PDGFRL: variants seen among roughly 807,000 people sequenced by gnomAD.
PDGFRL encodes the protein platelet derived growth factor receptor like.
Under a neutral mutation model 37.2 loss-of-function variants are expected in PDGFRL, and 46 were observed. The observed-to-expected ratio is 1.24, with a 90% confidence interval of 0.98 to 1.58. PDGFRL has a LOEUF of 1.58. Among genes scored for constraint, PDGFRL ranks in the 40% most tolerant of loss-of-function variants. PDGFRL has a pLI of 0.00. For missense variants in PDGFRL, 692 were observed against 467.6 expected, an observed-to-expected ratio of 1.48 and a Z score of -4.43; for synonymous variants, 251 against 184.3, an observed-to-expected ratio of 1.36 and a Z score of -2.93.
At chr8:17,605,033 C>T (rs2129678761) in intron 2 of PDGFRL, among the ~76,000 whole-genome samples, 1 of 152,218 alleles carries the variant, frequency 6.6e-6, no homozygotes, top group African/African-American at 2.4e-5. Flanking sequence ...GGGAGGATTG[C>T]TTGACTCTGG....
intron 3 of PDGFRL, among the ~76,000 whole-genome samples, chr8:17,624,874 C>G (rs972527383): frequency 8.5e-5 from 13 of 152,206 alleles, no homozygotes; most frequent in African/African-American, 3.1e-4. Flanking sequence ...GAGATGGCAC[C>G]ACTGCATTCC....
chr8:17,606,070 G>T (rs1045854768), intron 2 of PDGFRL, among the ~76,000 whole-genome samples: 5 of 152,116 alleles, frequency 3.3e-5, no homozygotes, highest in Non-Finnish European at 5.9e-5. Context: ...TAAAAGAAAA[G>T]GAGAAATATC....
At chr8:17,613,433 G>A (rs1385594393) in intron 2 of PDGFRL, among the ~76,000 whole-genome samples, 1 of 152,202 alleles carries the variant, frequency 6.6e-6, no homozygotes. Flanking sequence ...GAAAAGGGAA[G>A]GGGGACTTCG....
At chr8:17,619,805 G>A (rs1462995514) in intron 2 of PDGFRL, among the ~76,000 whole-genome samples, 2 of 152,212 alleles carry the variant, frequency 1.3e-5, no homozygotes, top group East Asian at 1.9e-4. Flanking sequence ...CTGAACTTCT[G>A]AGGCTGCATA....
chr8:17,622,341 T>A, intron 3 of PDGFRL, among the ~76,000 whole-genome samples: 1 of 152,294 alleles, frequency 6.6e-6, no homozygotes, highest in East Asian at 1.9e-4. Flanking sequence ...AATCCTTTGT[T>A]AGTGCCTGGG....
chr8:17,606,527 C>T (rs1804280757), intron 2 of PDGFRL, among the ~76,000 whole-genome samples: 1 of 152,160 alleles, frequency 6.6e-6, no homozygotes, highest in Admixed American at 6.5e-5. Context: ...GTGACCTAAC[C>T]AATGCTGAAG....
chr8:17,605,015 G>T (rs558324756), intron 2 of PDGFRL, among the ~76,000 whole-genome samples: 2 of 152,182 alleles, frequency 1.3e-5, no homozygotes, highest in East Asian at 1.9e-4. Context: ...TACCTGGGAG[G>T]CTGAGGTGGG....
chr8:17,593,878 A>C (rs1803994842), intron 2 of PDGFRL, among the ~76,000 whole-genome samples: 1 of 139,020 alleles, frequency 7.2e-6, no homozygotes, highest in Non-Finnish European at 1.6e-5. Context: ...ACAAGAGTGA[A>C]ACTCCATCTC....
intron 1 of PDGFRL, among the ~76,000 whole-genome samples, chr8:17,586,285 C>T (rs942568759): frequency 2.0e-5 from 3 of 152,124 alleles, no homozygotes; most frequent in East Asian, 1.9e-4. Flanking sequence ...ATCTCCTCAC[C>T]GAGGGGATCC....
At chr8:17,587,712 C>G (rs1055152597) in intron 1 of PDGFRL, among the ~76,000 whole-genome samples, 1 of 151,746 alleles carries the variant, frequency 6.6e-6, no homozygotes, top group African/African-American at 2.4e-5. Context: ...ACTGTAACCT[C>G]CGCCTCCCGG....
rs140618272 is a variant in PDGFRL, at chr8:17,585,942, G to C, written c.56-3526G>C. Among the ~76,000 whole-genome samples the C allele has an allele frequency of 6.8e-3, 1,023 of 150,678 alleles. 21 individuals carry two copies. Among genetic ancestry groups the C allele is most frequent in the African/African-American group, 0.023 (955 of 40,988 alleles). On this transcript the variant is annotated intron_variant, in intron 1 of 5. Coordinates refer to ENST00000251630, the MANE Select transcript of PDGFRL (RefSeq NM_001372073.1). ...ATTTATTTTGGATATAAGGGTTTTG[G>C]GGTTTTTGTCTGTTTTTTCTTTTTT...
rs765809401 is a variant in PDGFRL, at chr8:17,642,701, C to T, written c.1028C>T (p.Thr343Ile). 3 of 1,602,176 alleles carry T rather than the reference C, an allele frequency of 1.9e-6. No individual in the cohort carries two copies. Among genetic ancestry groups the T allele is most frequent in the Admixed American group, 1.7e-5 (1 of 60,022 alleles). The change falls in exon 6 of 6, where the codon ACA (threonine) becomes ATA (isoleucine). Residue 343 changes from threonine (T) to isoleucine (I), a missense_variant. Transcript: ENST00000251630. ...ACGAGAATCTCCCAGAGTGTCATTA[C>T]AGTGGAAGACTTTGAGACGATTGAT... The part of the protein sequence containing the change: ...HTTRISQSVI[T>I]VEDFETIDAG...
chr8:17,629,715 C>G (rs1187374690), intron 4 of PDGFRL, among the ~76,000 whole-genome samples: 1 of 152,156 alleles, frequency 6.6e-6, no homozygotes. Flanking sequence ...GACCCCTCAT[C>G]CGTTCCACCT....
intron 1 of PDGFRL, among the ~76,000 whole-genome samples, chr8:17,578,831 G>A (rs1049072939): frequency 5.9e-5 from 9 of 152,194 alleles, no homozygotes; most frequent in Non-Finnish European, 1.2e-4. Context: ...ATTGGAGAAA[G>A]TGGAATACAG....
intron 2 of PDGFRL, among the ~76,000 whole-genome samples, chr8:17,606,570 C>G (rs144034836): frequency 6.6e-6 from 1 of 152,302 alleles, no homozygotes; most frequent in African/African-American, 2.4e-5. Context: ...TCACTGGCAC[C>G]AGCTGCAGGC....
At chr8:17,616,340 A>G (rs1013213160) in intron 2 of PDGFRL, among the ~76,000 whole-genome samples, 2 of 152,060 alleles carry the variant, frequency 1.3e-5, no homozygotes, top group African/African-American at 4.8e-5. Flanking sequence ...GACTACAGGC[A>G]TGCACCACCG....
At chr8:17,612,910 A>G (rs1267782500) in intron 2 of PDGFRL, among the ~76,000 whole-genome samples, 2 of 152,062 alleles carry the variant, frequency 1.3e-5, no homozygotes. Context: ...AAGTTATCAA[A>G]ATATTCTATC....
At chr8:17,585,041 A>G (rs1346677445) in intron 1 of PDGFRL, among the ~76,000 whole-genome samples, 1 of 152,170 alleles carries the variant, frequency 6.6e-6, no homozygotes, top group African/African-American at 2.4e-5. Context: ...TCTCCTTTTT[A>G]GACCATATAG....
chr8:17,582,425 A>G (rs534590884), intron 1 of PDGFRL, among the ~76,000 whole-genome samples: 26 of 152,124 alleles, frequency 1.7e-4, no homozygotes, highest in African/African-American at 6.3e-4. Flanking sequence ...CTATTACAAT[A>G]CAAGAAGTTA....
Sources: allele counts gnomAD v4.1 joint callset (sites outside exome capture counted in the v4.1 genomes callset), GRCh38; gene constraint gnomAD v4.1.1; transcripts MANE v1.5; gene names NCBI Gene and HGNC (gene_info 2026-07-23, HGNC 2026-07-21).